Variants in SLC12A7 observed in about 807,000 individuals in gnomAD.
The protein encoded by SLC12A7 is K-Cl cotransporter 4.
Under a neutral mutation model 120.6 loss-of-function variants are expected in SLC12A7, and 100 were observed. The ratio of observed to expected loss-of-function variants is 0.83; its 90% confidence interval spans 0.71 to 0.98. The LOEUF (loss-of-function observed/expected upper bound fraction) is 0.98. Among genes scored for constraint, SLC12A7 ranks in the 50% least tolerant of loss-of-function variants. The pLI is 0.00. For missense variants in SLC12A7, 1,373 were observed against 1,548.1 expected (o/e 0.89, Z 1.90); for synonymous variants, 760 against 678.0 (o/e 1.12, Z -1.88).
In SLC12A7 at chr5:1,065,360, T is replaced by G. The variant is rs148150480; in HGVS notation, c.2360A>C (p.Lys787Thr). The G allele has an allele frequency of 2.5e-6, 4 of 1,612,064 alleles. No individual in the cohort carries two copies. The African/African-American group carries it at 5.3e-5, about 22-fold the overall frequency. Reference sequence around the variant, plus strand: ...CCAGGCCATGAGCACCGTGTTGTGCTTCAGGCCGCCCAGGCCGGCCGACTG... The same window carrying G: ...CCAGGCCATGAGCACCGTGTTGTGCGTCAGGCCGCCCAGGCCGGCCGACTG... ...LIQSAGLGGL[K>T]HNTVLMAWPA... Residue 787 changes from lysine to threonine, a missense_variant, in exon 18 of 24, where the codon AAG (lysine) becomes ACG (threonine). Transcript: ENST00000264930.
rs529353447 is a variant in SLC12A7 at position 1,060,588 on chromosome 5, C to G, written c.2740-137G>C. ...GCGTCCCGGGCCCCACAGGCCCCCT[C>G]TGGCTCTCAGGCCCCCCGCCCAGTG... On this transcript the variant is annotated intron_variant, in intron 20 of 23. Coordinates refer to ENST00000264930, the MANE Select transcript of SLC12A7 (RefSeq NM_006598.3). 9 of 658,980 alleles carry G rather than the reference C, an allele frequency of 1.4e-5. No homozygotes were observed. In the East Asian group the frequency reaches 2.4e-4, roughly 18 times the overall value. The allele number at this position is 658,980 out of a possible 1,614,324, so 40.8% of individuals were successfully genotyped here. A position where few individuals can be genotyped will look rare whatever the true frequency, so the allele number is the denominator to read the frequency against.
upstream of SLC12A7, among the ~76,000 whole-genome samples, chr5:1,116,861 C>A (rs1743345608): frequency 6.6e-6 from 1 of 152,114 alleles, no homozygotes; most frequent in South Asian, 2.1e-4. Context: ...CAAATGTTTG[C>A]TGTCGGCTCA....
chr5:1,142,544 C>CTG, the SLC12A7 span, among the ~76,000 whole-genome samples: 8 of 119,284 alleles, frequency 6.7e-5, 1 homozygote, highest in African/African-American at 1.7e-4. Context: ...CTCTGCTTCT[C>CTG]TGTGTGTGTC....
intron 15 of SLC12A7, 29 bp downstream of exon 15, chr5:1,075,342 G>A (rs374931886): frequency 1.2e-6 from 2 of 1,601,768 alleles, no homozygotes; most frequent in African/African-American, 2.7e-5. Context: ...CCGTGCGCCG[G>A]GTCTGTAAGG....
At chr5:1,118,912 C>T in the SLC12A7 span, among the ~76,000 whole-genome samples, 1 of 152,212 alleles carries the variant, frequency 6.6e-6, no homozygotes, top group Non-Finnish European at 1.5e-5. Context: ...AGAGCTGGCG[C>T]TGACATCAGC....
the SLC12A7 span, among the ~76,000 whole-genome samples, chr5:1,140,863 C>T: frequency 6.6e-6 from 1 of 152,320 alleles, no homozygotes; most frequent in Non-Finnish European, 1.5e-5. Flanking sequence ...GGTGACCACG[C>T]CATGGGAGAA....
chr5:1,079,979 C>A (rs1482637299), intron 9 of SLC12A7, among the ~76,000 whole-genome samples: 1 of 152,254 alleles, frequency 6.6e-6, no homozygotes, highest in Non-Finnish European at 1.5e-5. Flanking sequence ...GATGTTTCCA[C>A]ACAATCGGCT....
rs376206271 is a variant in SLC12A7, at chr5:1,057,694, C to G, written c.2848-45G>C. On this transcript the variant is annotated intron_variant, in intron 21 of 23. Transcript: ENST00000264930. ...GTGAGACCAGCCGGTCTCAAAACTC[C>G]TCTGGGCGAGAGCGACCCGGGATGC... The G allele has an allele frequency of 3.2e-6, 5 of 1,553,120 alleles. No homozygotes were observed. The East Asian group carries it at 1.1e-4, about 35-fold the overall frequency.
At chr5:1,088,613 G>A (rs922702619) in intron 4 of SLC12A7, among the ~76,000 whole-genome samples, 4 of 152,158 alleles carry the variant, frequency 2.6e-5, no homozygotes, top group African/African-American at 9.7e-5. Flanking sequence ...CAAACTGGAG[G>A]TGATGTCATC....
the SLC12A7 span, among the ~76,000 whole-genome samples, chr5:1,117,921 A>G: frequency 0.083 from 12,636 of 152,118 alleles, 1,209 homozygotes; most frequent in East Asian, 0.21. This position sits in a 1 kb window ranked among gnomAD's most constrained non-coding sequence, Gnocchi z 4.5. Context: ...AATACACACA[A>G]AAACATTAGC....
chr5:1,079,467 C>T lies in SLC12A7; in HGVS notation c.1327G>A (p.Asp443Asn), dbSNP rs752930961. Reference protein sequence around the residue: ...GIMAGSNRSGDLKDAQKSIPT... With the variant: ...GIMAGSNRSGNLKDAQKSIPT... ...ATGGACTTCTGTGCATCCTTGAGGT[C>T]CCCGGACCGGTTTGAACCCGCCATG... The change falls in exon 10 of 24, where the codon GAC becomes AAC. Residue 443 changes from aspartate to asparagine, a missense_variant. Physicochemically the swap from Asp to Asn is conservative, Grantham distance 23 (BLOSUM62 1). Coordinates refer to ENST00000264930, the MANE Select transcript of SLC12A7 (RefSeq NM_006598.3). 131 of 1,612,610 alleles carry T rather than the reference C, an allele frequency of 8.1e-5. No individual in the cohort carries two copies. Among genetic ancestry groups the T allele is most frequent in the Non-Finnish European group, 1.0e-4 (123 of 1,179,864 alleles).
intron 1 of SLC12A7, among the ~76,000 whole-genome samples, chr5:1,095,071 C>G (rs1198111091): frequency 8.1e-4 from 98 of 120,384 alleles, no homozygotes; most frequent in African/African-American, 2.6e-3. Flanking sequence ...GGAGGTGGGG[C>G]CCGTAGGAGG....
chr5:1,093,483 C>A, intron 3 of SLC12A7, 50 bp downstream of exon 3: 3 of 294,230 alleles, frequency 1.0e-5, no homozygotes, highest in Non-Finnish European at 1.8e-5. Context: ...TCTAACCCTG[C>A]CGGGACACAC....
rs1337826822 is a variant in SLC12A7 at position 1,052,231 on chromosome 5, A to C, written c.*129T>G. On this transcript the variant is annotated 3_prime_UTR_variant, in exon 24 of 24. Coordinates refer to ENST00000264930, the MANE Select transcript of SLC12A7 (RefSeq NM_006598.3). The stretch of plus-strand genomic sequence containing the variant: ...CCTAGAAACTTCCGTAGGAAGCCCC[A>C]TGGGCAGCTTGGGCGGCATCACTGG... The C allele has an allele frequency of 1.3e-6, 1 of 796,008 alleles. No individual in the cohort carries two copies. The highest frequency in any genetic ancestry group is 1.5e-5 in the South Asian group (1 of 68,712). 49.3% of individuals were successfully genotyped at this position (796,008 alleles called of 1,614,324 possible). A position where few individuals can be genotyped will look rare whatever the true frequency, so the allele number is the denominator to read the frequency against.
intron 3 of SLC12A7, among the ~76,000 whole-genome samples, chr5:1,091,698 CG>C (rs1740518977): frequency 6.6e-6 from 1 of 151,370 alleles, no homozygotes. Context: ...GTGCTGAGCC[CG>C]GCACACCACC....
In SLC12A7 at chr5:1,085,386, C is replaced by T. The variant is rs370319153; in HGVS notation, c.763G>A (p.Gly255Ser). 5.5e-5 allele frequency: 89 copies of T among 1,611,894 alleles called. No homozygotes were observed. The highest frequency in any genetic ancestry group is 8.0e-5 in the African/African-American group (6 of 75,044). The change falls in exon 7 of 24, where the codon GGC (glycine) becomes AGC (serine). Residue 255 changes from glycine to serine, a missense_variant. Transcript: ENST00000264930. ...AAMLHNMRVY[G>S]TCTLVLMALV... The stretch of plus-strand genomic sequence containing the variant: ...GCCATGAGCACGAGCGTGCACGTGC[C>T]GTACACACGCATGTTGTGCAGCATG...
chr5:1,060,553 G>A, intron 20 of SLC12A7, 102 bp from the exon 21 acceptor site: 1 of 853,442 alleles, frequency 1.2e-6, no homozygotes. Context: ...TGAGCGGTGG[G>A]AAAGGCCACG....
chr5:1,148,193 TTTTC>T, the SLC12A7 span, among the ~76,000 whole-genome samples: 10 of 147,796 alleles, frequency 6.8e-5, no homozygotes, highest in East Asian at 2.0e-4. Context: ...GTTGATACTT[TTTTC>T]TTTCTTTCTT....
intron 22 of SLC12A7, among the ~76,000 whole-genome samples, chr5:1,055,543 G>A (rs919869335): frequency 2.6e-5 from 4 of 152,132 alleles, no homozygotes; most frequent in Non-Finnish European, 5.9e-5. Flanking sequence ...GAGAGTCAAT[G>A]CCATCCCAGA....
Sources: allele counts gnomAD v4.1 joint callset (sites outside exome capture counted in the v4.1 genomes callset), GRCh38; gene constraint gnomAD v4.1.1; non-coding constraint Gnocchi (gnomAD v3.1); transcripts MANE v1.5; gene names NCBI Gene and HGNC (gene_info 2026-07-23, HGNC 2026-07-21).